SLC6A3: variants seen among roughly 807,000 people sequenced by gnomAD.
SLC6A3 encodes sodium-dependent dopamine transporter.
SLC6A3 carries 19 observed loss-of-function variants against 70.4 expected under a neutral mutation model. The ratio of observed to expected loss-of-function variants is 0.27; its 90% CI spans 0.19 to 0.40. The LOEUF (loss-of-function observed/expected upper bound fraction) is 0.40, where lower values mean the gene tolerates loss of function less well. SLC6A3 is among the 10% of genes least tolerant of loss of function. The pLI is 1.00. For missense variants in SLC6A3, 613 were observed against 838.5 expected, an observed-to-expected ratio of 0.73 and a Z score of 3.32; for synonymous variants, 368 against 356.6, an observed-to-expected ratio of 1.03 and a Z score of -0.36.
chr5:1,427,100 T>C lies in SLC6A3; in HGVS notation c.654-5086A>G, dbSNP rs368180677. Among the ~76,000 whole-genome samples, 8 of 152,370 alleles carry C rather than the reference T, an allele frequency of 5.3e-5. No individual in the cohort carries two copies. In the East Asian group the frequency reaches 1.3e-3, roughly 26 times the overall value. ...TCTTAAATGGAAACCCCAATCTACA[T>C]ACAGGACCGGACAGCACTAGAGATG... On this transcript the variant is annotated intron_variant, in intron 4 of 14. Transcript: ENST00000270349.
In SLC6A3 at chr5:1,416,199, A is replaced by C; in HGVS notation, c.930T>G (p.Val310=). The stretch of plus-strand genomic sequence containing the variant: ...ACACCTGGGTGGCCGCGTCAATCCA[A>C]ACCTGCAGAGCCAGAGGGCGGTGAG... ...VDFYRLCEAS[V]WIDAATQVCF... Residue 310 remains valine (V), a splice_region_variant and synonymous_variant, in exon 7 of 15, where the codon GTT becomes GTG. Coordinates refer to ENST00000270349, the MANE Select transcript of SLC6A3 (RefSeq NM_001044.5). 1 of 1,612,670 alleles carries C rather than the reference A, an allele frequency of 6.2e-7. No individual in the cohort carries two copies. Among genetic ancestry groups the C allele is most frequent in the South Asian group, 1.1e-5 (1 of 91,076 alleles).
chr5:1,441,293 G>A (rs1733654978), intron 3 of SLC6A3, 66 bp downstream of exon 3: 1 of 1,605,340 alleles, frequency 6.2e-7, no homozygotes, highest in Non-Finnish European at 8.5e-7. Flanking sequence ...GGCTTGCTTT[G>A]AAAGCTCCAG....
At chr5:1,429,992 C>G (rs140360077) in intron 4 of SLC6A3, among the ~76,000 whole-genome samples, 4 of 152,166 alleles carry the variant, frequency 2.6e-5, no homozygotes, top group Admixed American at 1.3e-4. Flanking sequence ...TTATCATTTC[C>G]CGCTTGCCTG....
At position 1,443,174 on chromosome 5, in the gene SLC6A3, C is replaced by T. The variant is rs1342594789; in HGVS notation, c.24G>A (p.Val8=). The T allele has an allele frequency of 6.8e-6, 11 of 1,614,270 alleles. No individual in the cohort carries two copies. Among genetic ancestry groups the T allele is most frequent in the Admixed American group, 5.0e-5 (3 of 60,036 alleles). MSKSKCS[V]GLMSSVVAPA... ...GGGCCACCACGGAAGACATGAGTCC[C>T]ACGGAGCATTTGCTCTTACTCATGG... Residue 8 remains valine, a synonymous_variant, in exon 2 of 15, where the codon GTG becomes GTA. Coordinates refer to ENST00000270349, the MANE Select transcript of SLC6A3 (RefSeq NM_001044.5).
rs1756429328 is a variant in SLC6A3 at position 1,421,243 on chromosome 5, T to A, written c.793-540A>T. Among the ~76,000 whole-genome samples the A allele has an allele frequency of 6.6e-6, 1 of 151,364 alleles. No individual in the cohort carries two copies. Among genetic ancestry groups the A allele is most frequent in the African/African-American group, 2.4e-5 (1 of 41,120 alleles). On this transcript the variant is annotated intron_variant, in intron 5 of 14. Transcript: ENST00000270349. The surrounding 1 kb of genome is among the most constrained non-coding windows in gnomAD (Gnocchi z 7.2). ...CCCAGGCTGGAGTGCAGTGGCATGA[T>A]CTTGGCTCACTGCAACCTCCGCCTC...
chr5:1,429,566 C>CTA (rs1404305186), intron 4 of SLC6A3, among the ~76,000 whole-genome samples: 1 of 152,250 alleles, frequency 6.6e-6, no homozygotes, highest in Admixed American at 6.5e-5. Flanking sequence ...AATCACTACA[C>CTA]TAAGTTTTCC....
Position 1,404,647 on chromosome 5 carries a change from T to C in SLC6A3, c.1599+1541A>G, listed in dbSNP as rs1022043098. The stretch of plus-strand genomic sequence containing the variant: ...TAGCACACGCCAGAGGGCAGGGGAC[T>C]ATGCCGCAGCCTGAAGAAACAGATG... On this transcript the variant is annotated intron_variant, in intron 12 of 14. Transcript: ENST00000270349. This position sits in a 1 kb window ranked among gnomAD's most constrained non-coding sequence, Gnocchi z 5.2. Among the ~76,000 whole-genome samples the C allele has an allele frequency of 6.6e-5, 10 of 152,234 alleles. No homozygotes were observed. The highest frequency in any genetic ancestry group is 2.9e-5 in the Non-Finnish European group (2 of 68,046).
chr5:1,394,625 G>C lies in SLC6A3; in HGVS notation c.*110C>G, dbSNP rs1311885327. The C allele has an allele frequency of 1.9e-6, 2 of 1,031,054 alleles. No homozygotes were observed. The highest frequency in any genetic ancestry group is 2.5e-5 in the South Asian group (2 of 79,304). 63.9% of individuals were successfully genotyped at this position (1,031,054 alleles called of 1,614,324 possible). ...CTTTGTTGTTTGTGTTTTCAGTAGA[G>C]GTTGAAGAGTAGAAGTTGCCCTCCT... On this transcript the variant is annotated 3_prime_UTR_variant, in exon 15 of 15. Transcript: ENST00000270349. The surrounding 1 kb of genome is among the most constrained non-coding windows in gnomAD (Gnocchi z 4.7).
intron 9 of SLC6A3, among the ~76,000 whole-genome samples, chr5:1,410,344 C>T (rs184475472): frequency 9.2e-5 from 14 of 152,298 alleles, no homozygotes; most frequent in East Asian, 3.9e-4. Flanking sequence ...TCACCTTGCT[C>T]GGTCCAGACC....
chr5:1,400,795 C>G, intron 14 of SLC6A3, 120 bp downstream of exon 14: 1 of 746,306 alleles, frequency 1.3e-6, no homozygotes, highest in Non-Finnish European at 2.3e-6. Context: ...AGAGCACATG[C>G]TGGCTGAGTA....
chr5:1,423,498 C>T (rs989125987), intron 4 of SLC6A3, among the ~76,000 whole-genome samples: 1 of 152,270 alleles, frequency 6.6e-6, no homozygotes. Context: ...GACACCTGCT[C>T]ACAGCCCCTG....
rs1253860041 is a variant in SLC6A3 at position 1,443,075 on chromosome 5, C to T, written c.123G>A (p.Gln41=). Residue 41 remains glutamine (Q), a synonymous_variant, in exon 2 of 15, where the codon CAG becomes CAA. Transcript: ENST00000270349. ...GGTTGGTGAGGGTGGAGCTGGTGAG[C>T]TGCACTCCGTTCTGCTCCTTGACAA... ...LILVKEQNGV[Q]LTSSTLTNPR... 1.9e-6 allele frequency: 3 copies of T among 1,614,222 alleles called. No individual in the cohort carries two copies. The highest frequency in any genetic ancestry group is 2.5e-6 in the Non-Finnish European group (3 of 1,180,030).
In SLC6A3 at chr5:1,406,179, G is replaced by C; in HGVS notation, c.1599+9C>G. ...ACGGGGGAAGGGCAGGTGGCCCGAG[G>C]TCCCTTACCAGGAGAAAGCAGGGGC... On this transcript the variant is annotated intron_variant, in intron 12 of 14. Transcript: ENST00000270349. The surrounding 1 kb of genome is among the most constrained non-coding windows in gnomAD (Gnocchi z 8.8). 2 of 1,603,876 alleles carry C rather than the reference G, an allele frequency of 1.2e-6. No homozygotes were observed. The highest frequency in any genetic ancestry group is 2.7e-5 in the African/African-American group (2 of 74,842).
intron 6 of SLC6A3, among the ~76,000 whole-genome samples, chr5:1,420,179 T>C (rs941206078): frequency 3.9e-5 from 6 of 152,182 alleles, no homozygotes; most frequent in Admixed American, 3.3e-4. Flanking sequence ...ATTTTTGTCA[T>C]GCCAGCCTTC....
rs561271975 is a variant in SLC6A3, at chr5:1,396,598, A to C, written c.1840-1840T>G. On this transcript the variant is annotated intron_variant, in intron 14 of 14. Transcript: ENST00000270349. This position sits in a 1 kb window ranked among gnomAD's most constrained non-coding sequence, Gnocchi z 7.0. The stretch of plus-strand genomic sequence containing the variant: ...GCCACACAGAGAGAAGACCCGGGAC[A>C]ATGGCCCAGGACCCCTGCTGAGGGT... Among the ~76,000 whole-genome samples, 276 of 150,578 alleles carry C rather than the reference A, an allele frequency of 1.8e-3. 1 individual carries two copies. Among genetic ancestry groups the C allele is most frequent in the African/African-American group, 6.4e-3 (264 of 41,474 alleles).
chr5:1,423,994 G>A (rs1160762948), intron 4 of SLC6A3, among the ~76,000 whole-genome samples: 1 of 152,192 alleles, frequency 6.6e-6, no homozygotes. Flanking sequence ...GGCATTCCAG[G>A]GCCATGTCCC....
rs1341479311 is a variant in SLC6A3, at chr5:1,403,109, A to G, written c.1600-20T>C. ...CACGAACTGCAACCAGCAGATACGGAGGTCAGGCAGCTCTCAGCCGGCGGT... is the reference window on the plus strand; with the variant it reads ...CACGAACTGCAACCAGCAGATACGGGGGTCAGGCAGCTCTCAGCCGGCGGT... On this transcript the variant is annotated intron_variant, in intron 12 of 14. Transcript: ENST00000270349. 6.2e-7 allele frequency: 1 copy of G among 1,612,156 alleles called. No individual in the cohort carries two copies. The highest frequency in any genetic ancestry group is 8.5e-7 in the Non-Finnish European group (1 of 1,179,548).
At chr5:1,429,061 T>G (rs1756637187) in intron 4 of SLC6A3, among the ~76,000 whole-genome samples, 1 of 152,234 alleles carries the variant, frequency 6.6e-6, no homozygotes, top group Non-Finnish European at 1.5e-5. Flanking sequence ...CTTTATGGCC[T>G]TTCACAGTGA....
chr5:1,414,911 G>C lies in SLC6A3; in HGVS notation c.1032-96C>G, dbSNP rs532567301. On this transcript the variant is annotated intron_variant, in intron 7 of 14. Transcript: ENST00000270349. ...CTTAATTTACTGTGTCTGGGGAAGG[G>C]GGCGGGAGGTCTTCGGAGGGGCTAC... The C allele has an allele frequency of 6.5e-6, 10 of 1,529,684 alleles. No individual in the cohort carries two copies. The East Asian group carries it at 2.3e-4, about 35-fold the overall frequency. 94.8% of individuals were successfully genotyped at this position (1,529,684 alleles called of 1,614,324 possible).
Sources: gnomAD v4.1 joint callset for allele counts (sites outside exome capture counted in the v4.1 genomes callset) on GRCh38, gnomAD v4.1.1 for gene constraint, Gnocchi (gnomAD v3.1) non-coding constraint, MANE v1.5 for transcripts, NCBI Gene and HGNC (gene_info 2026-07-23, HGNC 2026-07-21) for gene names.